IKBKB-DT: variants seen among roughly 807,000 people sequenced by gnomAD.
IKBKB-DT encodes IKBKB divergent transcript.
chr8:42,246,108 C>A (rs1222548089), intron 3 of IKBKB-DT, among the ~76,000 whole-genome samples: 1 of 152,236 alleles, frequency 6.6e-6, no homozygotes. Flanking sequence ...ACAGTCACAG[C>A]TCACTGCAGC....
chr8:42,268,344 C>G (rs1392923993), intron 1 of IKBKB-DT, among the ~76,000 whole-genome samples: 1 of 151,616 alleles, frequency 6.6e-6, no homozygotes, highest in Non-Finnish European at 1.5e-5. Flanking sequence ...ACCATATTGG[C>G]CAGGATGGTC....
At chr8:42,246,979 A>G (rs1807072606) in intron 3 of IKBKB-DT, among the ~76,000 whole-genome samples, 1 of 152,192 alleles carries the variant, frequency 6.6e-6, no homozygotes, top group South Asian at 2.1e-4. Context: ...TCCTGCTCCT[A>G]GGAGAATCTG....
intron 3 of IKBKB-DT, among the ~76,000 whole-genome samples, chr8:42,254,330 C>T (rs1159336278): frequency 1.3e-5 from 2 of 152,244 alleles, no homozygotes; most frequent in Non-Finnish European, 2.9e-5. Flanking sequence ...TTTATACTTG[C>T]CCTGATTAAG....
intron 3 of IKBKB-DT, among the ~76,000 whole-genome samples, chr8:42,254,910 C>G (rs535022192): frequency 1.1e-4 from 16 of 148,504 alleles, no homozygotes; most frequent in Non-Finnish European, 1.6e-4. Flanking sequence ...AAGTGAGGAG[C>G]GCCTCTCCCC....
At chr8:42,268,059 G>A (rs1320720588) in intron 1 of IKBKB-DT, among the ~76,000 whole-genome samples, 2 of 151,606 alleles carry the variant, frequency 1.3e-5, no homozygotes, top group Non-Finnish European at 2.9e-5. Context: ...CAGGATTAAA[G>A]AGAAACCTTT....
chr8:42,256,112 A>T (rs1464784395), intron 3 of IKBKB-DT, among the ~76,000 whole-genome samples: 1 of 152,100 alleles, frequency 6.6e-6, no homozygotes, highest in Non-Finnish European at 1.5e-5. Flanking sequence ...GAGTTTCTGA[A>T]TTCTACAGGG....
chr8:42,237,081 T>G (rs1847261086), intron 3 of IKBKB-DT, among the ~76,000 whole-genome samples: 1 of 106,524 alleles, frequency 9.4e-6, no homozygotes, highest in Non-Finnish European at 1.7e-5. Context: ...GAAGGCTCAG[T>G]TTTTTTTTTT....
intron 3 of IKBKB-DT, among the ~76,000 whole-genome samples, chr8:42,235,598 C>T (rs372155344): frequency 4.6e-5 from 7 of 152,190 alleles, no homozygotes; most frequent in African/African-American, 1.2e-4. Flanking sequence ...AGGACAGCTT[C>T]GATTTCCCGT....
intron 3 of IKBKB-DT, among the ~76,000 whole-genome samples, chr8:42,235,286 C>T (rs1035966045): frequency 6.8e-6 from 1 of 146,484 alleles, no homozygotes; most frequent in Non-Finnish European, 1.5e-5. Context: ...CTCACAGCAA[C>T]CTCTGCTTTC....
At chr8:42,244,065 T>A (rs1807034653) in intron 3 of IKBKB-DT, among the ~76,000 whole-genome samples, 1 of 152,224 alleles carries the variant, frequency 6.6e-6, no homozygotes, top group East Asian at 1.9e-4. Context: ...TTGGGATAAC[T>A]GTTTCTGGAA....
At chr8:42,254,688 T>C (rs28450020) in intron 3 of IKBKB-DT, among the ~76,000 whole-genome samples, 31,955 of 142,240 alleles carry the variant, frequency 0.22, 7,936 homozygotes, top group African/African-American at 0.62. Context: ...GGCCTCTGCC[T>C]GGCCTCCCCA....
rs1807525793 is a variant in IKBKB-DT, at chr8:42,270,047, G to A, written n.603+604C>T. Among the ~76,000 whole-genome samples, 3 of 152,174 alleles carry A rather than the reference G, an allele frequency of 2.0e-5. No individual in the cohort carries two copies. In the South Asian group the frequency reaches 6.2e-4, roughly 32 times the overall value. ...AGTAACCAGCCCCCGTGCCTCAGAG[G>A]TAGTCAACAGCAGTATCTGGATTCA... On this transcript the variant is annotated intron_variant and non_coding_transcript_variant, in intron 1 of 3. Transcript: ENST00000518213.
intron 3 of IKBKB-DT, among the ~76,000 whole-genome samples, chr8:42,237,149 C>T (rs1585458431): frequency 2.0e-5 from 3 of 151,718 alleles, no homozygotes; most frequent in East Asian, 1.9e-4. Flanking sequence ...TGGAGTGGTA[C>T]AATCTCGGCT....
intron 3 of IKBKB-DT, among the ~76,000 whole-genome samples, chr8:42,253,072 G>T (rs1166571479): frequency 6.6e-6 from 1 of 152,178 alleles, no homozygotes; most frequent in East Asian, 1.9e-4. Context: ...TTAACGAAGA[G>T]TCTAGCACCT....
chr8:42,247,965 C>T (rs777266406), intron 3 of IKBKB-DT, among the ~76,000 whole-genome samples: 6 of 151,758 alleles, frequency 4.0e-5, no homozygotes, highest in Admixed American at 2.0e-4. Context: ...CAGTAGTGGG[C>T]GCCTCTAATC....
At chr8:42,263,959 C>T (rs1364981260) in intron 2 of IKBKB-DT, among the ~76,000 whole-genome samples, 1 of 151,918 alleles carries the variant, frequency 6.6e-6, no homozygotes, top group Non-Finnish European at 1.5e-5. Context: ...TTACAGGCGC[C>T]CACCACTATG....
intron 3 of IKBKB-DT, among the ~76,000 whole-genome samples, chr8:42,253,634 A>G (rs1807156986): frequency 6.6e-6 from 1 of 152,226 alleles, no homozygotes; most frequent in Non-Finnish European, 1.5e-5. Context: ...ATCTAGTCAC[A>G]GGTGTGTTTG....
At chr8:42,256,893 G>A (rs1031141661) in intron 3 of IKBKB-DT, among the ~76,000 whole-genome samples, 1 of 152,118 alleles carries the variant, frequency 6.6e-6, no homozygotes, top group African/African-American at 2.4e-5. Context: ...TATTATAGTT[G>A]TTTGCAAAAG....
chr8:42,239,632 A>ATATATATATATATATATATATATATATT (rs1287944961), intron 3 of IKBKB-DT, among the ~76,000 whole-genome samples: 27 of 86,940 alleles, frequency 3.1e-4, no homozygotes, highest in Non-Finnish European at 5.2e-4. Flanking sequence ...ATATATATAT[A>ATATATATATATATATATATATATATATT]TATTTATTTA....
Sources: gnomAD v4.1 joint callset for allele counts (sites outside exome capture counted in the v4.1 genomes callset) on GRCh38, gnomAD v4.1.1 for gene constraint, MANE v1.5 for transcripts, NCBI Gene and HGNC (gene_info 2026-07-23, HGNC 2026-07-21) for gene names.